The following SENP7 variants were observed in gnomAD, a reference collection of about 807,000 sequenced individuals.
The protein encoded by SENP7 is SUMO specific peptidase 7.
SENP7 carries 64 observed loss-of-function variants against 141.2 expected under a neutral mutation model. The observed-to-expected ratio is 0.45, with a 90% CI of 0.37 to 0.56. SENP7 has a LOEUF of 0.56. Ranked by LOEUF, SENP7 falls within the 20% of genes least tolerant of loss-of-function variation. The pLI, the probability that SENP7 is intolerant of heterozygous loss-of-function variation, is 0.00. For synonymous variants in SENP7, 382 were observed against 426.4 expected (o/e 0.90, Z 1.28); for missense variants, 1,025 against 1,212.2 (o/e 0.85, Z 2.29).
chr3:101,390,316 G>A (rs1011505286), intron 6 of SENP7, among the ~76,000 whole-genome samples: 23 of 140,166 alleles, frequency 1.6e-4, no homozygotes, highest in South Asian at 4.5e-4. Flanking sequence ...CCCTACTCAC[G>A]TCACCAATAA....
rs981859520 is a variant in SENP7, at chr3:101,399,168, C to G, written c.483-113G>C. ...GCCATCTTAGCACAAGAAAGCTGTT[C>G]GAACTACACCACCCTAGAAATTAAC... On this transcript the variant is annotated intron_variant, in intron 5 of 23. Transcript: ENST00000394095. 3 of 563,936 alleles carry G rather than the reference C, an allele frequency of 5.3e-6. 1 individual carries two copies. The South Asian group carries it at 1.5e-4, about 27-fold the overall frequency. The allele number at this position is 563,936 out of a possible 1,614,324, so 34.9% of individuals were successfully genotyped here. A position where few individuals can be genotyped will look rare whatever the true frequency, so the allele number is the denominator to read the frequency against.
chr3:101,412,542 A>G (rs985426897), intron 5 of SENP7, among the ~76,000 whole-genome samples: 1 of 152,094 alleles, frequency 6.6e-6, no homozygotes, highest in Non-Finnish European at 1.5e-5. Flanking sequence ...TGGAATACGT[A>G]ATTCTTTTTA....
rs752852377 is a variant in SENP7 at position 101,351,599 on chromosome 3, T to C, written c.1657+19A>G. The C allele has an allele frequency of 4.5e-6, 6 of 1,342,042 alleles. No individual in the cohort carries two copies. The highest frequency in any genetic ancestry group is 5.9e-6 in the Non-Finnish European group (6 of 1,017,756). 83.1% of individuals were successfully genotyped at this position (1,342,042 alleles called of 1,614,324 possible). ...AAACTATAGTAAAAAGACAAGTTCA[T>C]AAGAGAATGATAACTTACCTTGAAA... On this transcript the variant is annotated intron_variant, in intron 12 of 23. Coordinates refer to ENST00000394095, the MANE Select transcript of SENP7 (RefSeq NM_020654.5).
intron 3 of SENP7, among the ~76,000 whole-genome samples, chr3:101,468,436 A>G (rs2063845445): frequency 1.3e-5 from 2 of 152,206 alleles, no homozygotes; most frequent in Non-Finnish European, 2.9e-5. Flanking sequence ...ATGAAGGGAA[A>G]AGTGTTAAGG....
At chr3:101,504,402 T>C (rs1356934184) in intron 1 of SENP7, among the ~76,000 whole-genome samples, 7 of 150,444 alleles carry the variant, frequency 4.7e-5, no homozygotes, top group African/African-American at 1.7e-4. Flanking sequence ...GAGGTTGCAG[T>C]GAGCCAAGAT....
rs187528837 is a variant in SENP7, at chr3:101,392,622, T to C, written c.677+6239A>G. 9.2e-3 allele frequency among the ~76,000 whole-genome samples: 1,395 copies of C among 152,248 alleles called. 19 individuals are homozygous for C. The highest frequency in any genetic ancestry group is 0.032 in the African/African-American group (1,324 of 41,534). ...AAAATGACCATACTTCCCAAAGTAA[T>C]CTACAAATAAAATGCAATCCCAATC... On this transcript the variant is annotated intron_variant, in intron 6 of 23. Transcript: ENST00000394095.
chr3:101,385,353 G>A (rs116081099), intron 6 of SENP7, among the ~76,000 whole-genome samples: 82 of 152,202 alleles, frequency 5.4e-4, no homozygotes, highest in Middle Eastern at 3.4e-3. Context: ...TTGGCAAAAG[G>A]CAGGGGCTAA....
intron 1 of SENP7, among the ~76,000 whole-genome samples, chr3:101,509,729 A>G (rs2065772728): frequency 6.6e-6 from 1 of 152,204 alleles, no homozygotes; most frequent in Non-Finnish European, 1.5e-5. Context: ...ACCTACTGAA[A>G]GATTTAAGAA....
intron 4 of SENP7, among the ~76,000 whole-genome samples, chr3:101,437,743 TAAAAAACCA>T (rs1559823672): frequency 1.3e-5 from 2 of 151,474 alleles, no homozygotes; most frequent in Non-Finnish European, 2.9e-5. Flanking sequence ...AACTCAACAA[TAAAAAACCA>T]AAAAAGCCAA....
At chr3:101,365,873 A>G (rs7610327) in intron 9 of SENP7, among the ~76,000 whole-genome samples, 60,294 of 151,910 alleles carry the variant, frequency 0.4, 12,478 homozygotes, top group Admixed American at 0.54. Flanking sequence ...AGGAGGCCTT[A>G]GTAACAAATT....
chr3:101,413,687 T>C (rs963826014), intron 5 of SENP7, among the ~76,000 whole-genome samples: 1 of 146,278 alleles, frequency 6.8e-6, no homozygotes, highest in African/African-American at 2.5e-5. Flanking sequence ...GGATCATATA[T>C]AGATTTGGAG....
At chr3:101,395,545 T>C (rs1032472445) in intron 6 of SENP7, among the ~76,000 whole-genome samples, 2 of 152,214 alleles carry the variant, frequency 1.3e-5, no homozygotes, top group Admixed American at 1.3e-4. Context: ...CCTTGTAATA[T>C]ATTTTGAAGT....
At chr3:101,487,282 T>C (rs1027793904) in intron 3 of SENP7, among the ~76,000 whole-genome samples, 3 of 152,116 alleles carry the variant, frequency 2.0e-5, no homozygotes, top group African/African-American at 7.2e-5. Context: ...ACCATTTACA[T>C]ATATATATGT....
Position 101,444,867 on chromosome 3 carries a change from A to G in SENP7, c.284+14088T>C, listed in dbSNP as rs576833452. Among the ~76,000 whole-genome samples the G allele has an allele frequency of 1.1e-4, 17 of 152,090 alleles. No individual in the cohort carries two copies. The East Asian group carries it at 2.7e-3, about 24-fold the overall frequency. On this transcript the variant is annotated intron_variant, in intron 4 of 23. Coordinates refer to ENST00000394095, the MANE Select transcript of SENP7 (RefSeq NM_020654.5). ...TGTAACTAACCTGCACATTGTGCAC[A>G]TGTACCCTAAAACTTAAAGTATAAT... is the stretch of plus-strand genomic sequence containing the variant.
chr3:101,366,496 T>C lies in SENP7; in HGVS notation c.1252A>G (p.Thr418Ala). Residue 418 changes from threonine (T) to alanine (A), a missense_variant, in exon 9 of 24, where the codon ACC becomes GCC. Transcript: ENST00000394095. ...CCTCTTAGAATAGGCTTTTCTATGGTATTCAACTCATTCTCATCCTTCTCA... is the reference window on the plus strand; with the variant it reads ...CCTCTTAGAATAGGCTTTTCTATGGCATTCAACTCATTCTCATCCTTCTCA... ...LVEKDENELN[T>A]IEKPILRGHN... The C allele has an allele frequency of 6.2e-7, 1 of 1,613,864 alleles. No individual in the cohort carries two copies. The highest frequency in any genetic ancestry group is 1.3e-5 in the African/African-American group (1 of 75,054).
At chr3:101,359,119 A>G (rs929574225) in intron 11 of SENP7, 6 of 152,200 alleles carry the variant, frequency 3.9e-5, no homozygotes, top group African/African-American at 1.4e-4. Flanking sequence ...TGGTTGCCAC[A>G]CTTGATTGTA....
At chr3:101,440,057 C>G (rs2062598099) in intron 4 of SENP7, among the ~76,000 whole-genome samples, 6 of 53,454 alleles carry the variant, frequency 1.1e-4, no homozygotes, top group South Asian at 6.2e-4. Context: ...GGCCACCACC[C>G]CGTCTGGGAG....
chr3:101,463,878 G>A (rs1240295490), intron 3 of SENP7, among the ~76,000 whole-genome samples: 1 of 152,094 alleles, frequency 6.6e-6, no homozygotes, highest in Non-Finnish European at 1.5e-5. Flanking sequence ...AGCCTGGAGT[G>A]CAGTGGCGCG....
chr3:101,394,134 T>C (rs917946242), intron 6 of SENP7, among the ~76,000 whole-genome samples: 7 of 152,220 alleles, frequency 4.6e-5, no homozygotes, highest in Non-Finnish European at 1.0e-4. Flanking sequence ...CTCTAGTGTT[T>C]ATAATTCTAC....
Sources: allele counts gnomAD v4.1 joint callset (sites outside exome capture counted in the v4.1 genomes callset), GRCh38; gene constraint gnomAD v4.1.1; transcripts MANE v1.5; gene names NCBI Gene and HGNC (gene_info 2026-07-23, HGNC 2026-07-21).